Variants in LDB3 observed in about 807,000 individuals in gnomAD.
LDB3 encodes LIM domain binding 3.
A neutral mutation model predicts 69.0 loss-of-function variants in LDB3; 49 were observed. That is an observed-to-expected ratio of 0.71 (90% CI 0.56 to 0.90). The LOEUF is 0.90. Among genes scored for constraint, LDB3 ranks in the 40% least tolerant of loss-of-function variants. The probability of loss-of-function intolerance (pLI) is 0.00; values close to 1 mark genes in which losing one functional copy is unlikely to be tolerated. For missense variants in LDB3, 928 were observed against 974.1 expected (o/e 0.95, Z 0.63); for synonymous variants, 387 against 396.2 (o/e 0.98, Z 0.28).
At position 86,716,230 on chromosome 10, in the gene LDB3, A is replaced by AG. The variant is rs537326671; in HGVS notation, c.1232-97_1232-96insG. Reference sequence around the variant, plus strand: ...ACTGAAATTGTACTGCTCTAATGTTAAAGTCACCTTTTGCATTTCTCTGGC... The same window carrying AG: ...ACTGAAATTGTACTGCTCTAATGTTAGAAGTCACCTTTTGCATTTCTCTGGC... On this transcript the variant is annotated intron_variant, in intron 9 of 13. Coordinates refer to ENST00000361373, the MANE Select transcript of LDB3 (RefSeq NM_007078.3). 1,347 of 1,421,034 alleles carry AG rather than the reference A, an allele frequency of 9.5e-4. 18 individuals carry two copies. In the African/African-American group the frequency reaches 0.017, roughly 18 times the overall value. 88.0% of individuals were successfully genotyped at this position (1,421,034 alleles called of 1,614,324 possible).
In LDB3 at chr10:86,709,095, T is replaced by C. The variant is rs548097248; in HGVS notation, c.1086-810T>C. Among the ~76,000 whole-genome samples the C allele has an allele frequency of 6.6e-5, 10 of 152,300 alleles. No individual in the cohort carries two copies. In the South Asian group the frequency reaches 2.1e-3, roughly 32 times the overall value. On this transcript the variant is annotated intron_variant, in intron 8 of 13. Transcript: ENST00000361373. ...CTGCAAGGTGTTCATTAGTTTTAAA[T>C]GAAGAAAAGCATTTTACAAACAAAT...
chr10:86,726,446 A>T, intron 13 of LDB3, 194 bp downstream of exon 13: 1 of 627,550 alleles, frequency 1.6e-6, no homozygotes, highest in Non-Finnish European at 2.9e-6. Context: ...ATTATTTATA[A>T]ACCAATGTGG....
chr10:86,681,939 G>A, intron 5 of LDB3, 136 bp downstream of exon 5: 3 of 917,040 alleles, frequency 3.3e-6, no homozygotes, highest in Non-Finnish European at 5.0e-6. Context: ...GAGGTCAGCA[G>A]TGATCCTGCG....
chr10:86,685,598 A>G, intron 5 of LDB3: 1 of 1,441,122 alleles, frequency 6.9e-7, no homozygotes, highest in Non-Finnish European at 9.8e-7. Flanking sequence ...GACCAGGCTG[A>G]TGATGGCCCC....
At chr10:86,724,670 A>T (rs767447634) in intron 12 of LDB3, among the ~76,000 whole-genome samples, 3 of 151,806 alleles carry the variant, frequency 2.0e-5, no homozygotes, top group Non-Finnish European at 4.4e-5. Flanking sequence ...AATAGGGAAT[A>T]TTATCTCTTC....
chr10:86,673,518 C>T (rs755658125), intron 2 of LDB3, among the ~76,000 whole-genome samples: 9 of 151,898 alleles, frequency 5.9e-5, no homozygotes, highest in Non-Finnish European at 1.3e-4. Context: ...GAGGGGACTC[C>T]GGCTTATTTA....
In LDB3 at chr10:86,699,377, G is replaced by C; in HGVS notation, c.896+6806G>C. ...AAATCCTTAATGTTAAAAGCTAAAAGGCTGCCTGGAATCCCCCCACCCCAA... is the reference window on the plus strand; with the variant it reads ...AAATCCTTAATGTTAAAAGCTAAAACGCTGCCTGGAATCCCCCCACCCCAA... On this transcript the variant is annotated intron_variant, in intron 7 of 13. Transcript: ENST00000361373. This position sits in a 1 kb window ranked among gnomAD's most constrained non-coding sequence, Gnocchi z 4.9. 1 of 1,613,624 alleles carries C rather than the reference G, an allele frequency of 6.2e-7. No individual in the cohort carries two copies. Among genetic ancestry groups the C allele is most frequent in the Admixed American group, 1.7e-5 (1 of 60,002 alleles).
intron 7 of LDB3, among the ~76,000 whole-genome samples, chr10:86,705,694 T>C (rs941931403): frequency 1.3e-5 from 2 of 152,166 alleles, no homozygotes; most frequent in Non-Finnish European, 2.9e-5. Flanking sequence ...GGCAGTGTGG[T>C]CGCCTTTCTC....
intron 7 of LDB3, 82 bp downstream of exon 7, chr10:86,692,653 G>A: frequency 8.2e-7 from 1 of 1,215,978 alleles, no homozygotes; most frequent in Non-Finnish European, 1.2e-6. Flanking sequence ...CATCACTCAT[G>A]GAAGGGACCT....
chr10:86,670,091 C>T (rs1484762184), intron 2 of LDB3, among the ~76,000 whole-genome samples: 6 of 152,080 alleles, frequency 3.9e-5, no homozygotes, highest in Admixed American at 2.0e-4. Context: ...CCAGGGATGC[C>T]GTGAGAGCCT....
chr10:86,716,835 A>C (rs1380027955), intron 10 of LDB3, 64 bp downstream of exon 10: 24 of 1,515,268 alleles, frequency 1.6e-5, no homozygotes, highest in Admixed American at 1.9e-5. Context: ...GTGCTTGCCC[A>C]CAGTCTGAGC....
chr10:86,697,343 T>A (rs1341297117), intron 7 of LDB3, among the ~76,000 whole-genome samples: 1 of 145,180 alleles, frequency 6.9e-6, no homozygotes, highest in Non-Finnish European at 1.5e-5. Context: ...TGCCTCAGCC[T>A]CCTGAGTAGC....
chr10:86,681,566 C>T lies in LDB3; in HGVS notation c.452C>T (p.Ala151Val). 6.2e-7 allele frequency: 1 copy of T among 1,613,064 alleles called. No individual in the cohort carries two copies. Among genetic ancestry groups the T allele is most frequent in the Non-Finnish European group, 8.5e-7 (1 of 1,179,804 alleles). The change falls in exon 5 of 14, where the codon GCC (alanine) becomes GTC (valine). Residue 151 changes from alanine to valine, a missense_variant. Ala to Val is a moderately conservative substitution (Grantham distance 64, BLOSUM62 0). Coordinates refer to ENST00000361373, the MANE Select transcript of LDB3 (RefSeq NM_007078.3). ...AGCCCTGCCTTCTCCCGGCCCTCCG[C>T]CTTCTCCTCACTCGCCGAGGCCTCT... The part of the protein sequence containing the change: ...TFSPAFSRPS[A>V]FSSLAEASDP...
At chr10:86,682,710 GTC>G (rs1845232406) in intron 5 of LDB3, among the ~76,000 whole-genome samples, 1 of 152,212 alleles carries the variant, frequency 6.6e-6, no homozygotes, top group Non-Finnish European at 1.5e-5. Flanking sequence ...CACTGTCCAT[GTC>G]TCAGGGTTAT....
intron 7 of LDB3, among the ~76,000 whole-genome samples, chr10:86,693,447 T>C (rs1845865436): frequency 6.6e-6 from 1 of 152,266 alleles, no homozygotes; most frequent in African/African-American, 2.4e-5. Flanking sequence ...TGGGCCAAGC[T>C]TTCTGTACTT....
rs193216959 is a variant in LDB3, at chr10:86,698,052, C to T, written c.896+5481C>T. Reference sequence around the variant, plus strand: ...TCCCTTCACCCAGGATGCCCCATGCCGCCTTTTTATAGCCATACCCACTCC... The same window carrying T: ...TCCCTTCACCCAGGATGCCCCATGCTGCCTTTTTATAGCCATACCCACTCC... On this transcript the variant is annotated intron_variant, in intron 7 of 13. Transcript: ENST00000361373. Among the ~76,000 whole-genome samples the T allele has an allele frequency of 2.8e-3, 420 of 152,240 alleles. 2 individuals are homozygous for T. The highest frequency in any genetic ancestry group is 4.1e-3 in the Non-Finnish European group (282 of 68,018).
intron 9 of LDB3, among the ~76,000 whole-genome samples, chr10:86,713,395 C>T (rs1429163239): frequency 6.6e-6 from 1 of 152,010 alleles, no homozygotes; most frequent in Non-Finnish European, 1.5e-5. Flanking sequence ...TACAAGGCGC[C>T]CACCACCATG....
intron 5 of LDB3, among the ~76,000 whole-genome samples, chr10:86,683,135 C>T (rs77835067): frequency 0.034 from 5,139 of 152,248 alleles, 89 homozygotes; most frequent in Middle Eastern, 0.048. Context: ...TAGGTCTTCC[C>T]GGTCCTTTTC....
intron 5 of LDB3, among the ~76,000 whole-genome samples, chr10:86,685,195 G>A (rs1252687589): frequency 2.6e-5 from 4 of 152,168 alleles, no homozygotes; most frequent in East Asian, 1.9e-4. Flanking sequence ...CCACTGCAAT[G>A]CCTGCTCAGG....
Sources: allele counts gnomAD v4.1 joint callset (sites outside exome capture counted in the v4.1 genomes callset), GRCh38; gene constraint gnomAD v4.1.1; non-coding constraint Gnocchi (gnomAD v3.1); transcripts MANE v1.5; gene names NCBI Gene and HGNC (gene_info 2026-07-23, HGNC 2026-07-21).